SLCO4C1: variants seen among roughly 807,000 people sequenced by gnomAD.
SLCO4C1 encodes organic anion transporter M1.
In SLCO4C1, 58 loss-of-function variants were observed where a neutral mutation model predicts 72.1. That is an observed-to-expected ratio of 0.80 (90% confidence interval 0.65 to 1.00). The LOEUF is 1.00. Among genes scored for constraint, SLCO4C1 ranks in the 50% least tolerant of loss-of-function variants. SLCO4C1 has a pLI of 0.00. For synonymous variants in SLCO4C1, 297 were observed against 312.5 expected, an observed-to-expected ratio of 0.95 and a Z score of 0.52; for missense variants, 898 against 857.9, an observed-to-expected ratio of 1.05 and a Z score of -0.58.
intron 7 of SLCO4C1, among the ~76,000 whole-genome samples, chr5:102,257,706 C>T (rs1748863520): frequency 6.6e-6 from 1 of 151,416 alleles, no homozygotes. Flanking sequence ...GCAGTCTCCA[C>T]CTCCCAGGTT....
At chr5:102,283,287 A>G (rs895904947) in intron 2 of SLCO4C1, among the ~76,000 whole-genome samples, 4 of 151,960 alleles carry the variant, frequency 2.6e-5, no homozygotes, top group East Asian at 1.9e-4. Context: ...ATACTCTTCT[A>G]TGTGGTATTG....
intron 9 of SLCO4C1, 31 bp downstream of exon 9, chr5:102,249,607 C>T (rs1196222131): frequency 2.5e-6 from 4 of 1,611,906 alleles, no homozygotes; most frequent in African/African-American, 2.7e-5. Context: ...CATATTGCCT[C>T]ATTAAGGGAA....
At chr5:102,257,374 C>T (rs960974021) in intron 7 of SLCO4C1, 64 bp from the exon 8 acceptor site, 1 of 1,273,350 alleles carries the variant, frequency 7.9e-7, no homozygotes, top group Non-Finnish European at 1.1e-6. Context: ...ATACTGACAA[C>T]TGGAAAACAT....
chr5:102,251,894 C>T (rs1020265579), intron 8 of SLCO4C1, among the ~76,000 whole-genome samples: 12 of 151,774 alleles, frequency 7.9e-5, no homozygotes, highest in Non-Finnish European at 1.8e-4. Flanking sequence ...CTAGACTACT[C>T]AAGGTGGTAG....
rs745339720 is a variant in SLCO4C1 at position 102,296,055 on chromosome 5, CA to C, written c.207del (p.Asn69LysfsTer53). 1.9e-6 allele frequency: 3 copies of C among 1,614,226 alleles called. No individual in the cohort carries two copies. The highest frequency in any genetic ancestry group is 2.5e-6 in the Non-Finnish European group (3 of 1,180,042). ...PEPSLPSAPP[N>X]VSEEKLRSLS... ...AGTGACCGGAGCTTCTCTTCGGAGA[CA>C]TTGGGAGGGGCTGAAGGCAGAGATG... is the stretch of plus-strand genomic sequence containing the variant. On this transcript the variant is annotated frameshift_variant, in exon 1 of 13. Transcript: ENST00000310954. LOFTEE classifies it high-confidence loss of function.
At chr5:102,266,963 T>C (rs1429923907) in intron 3 of SLCO4C1, among the ~76,000 whole-genome samples, 2 of 152,216 alleles carry the variant, frequency 1.3e-5, no homozygotes, top group Non-Finnish European at 2.9e-5. Flanking sequence ...AATTCTTGCA[T>C]CACTGAGATC....
chr5:102,296,083 C>A lies in SLCO4C1; in HGVS notation c.180G>T (p.Glu60Asp). Residue 60 changes from glutamate to aspartate, a missense_variant, in exon 1 of 13, where the codon GAG becomes GAT. Physicochemically the swap from Glu to Asp is conservative, Grantham distance 45. Coordinates refer to ENST00000310954, the MANE Select transcript of SLCO4C1 (RefSeq NM_180991.5). ...QKPQEPQKSP[E>D]PSLPSAPPNV... ...TGGGAGGGGCTGAAGGCAGAGATGGCTCTGGTGACTTCTGGGGCTCCTGGG... is the reference window on the plus strand; with the variant it reads ...TGGGAGGGGCTGAAGGCAGAGATGGATCTGGTGACTTCTGGGGCTCCTGGG... The A allele has an allele frequency of 6.2e-7, 1 of 1,614,190 alleles. No homozygotes were observed. Among genetic ancestry groups the A allele is most frequent in the Non-Finnish European group, 8.5e-7 (1 of 1,180,010 alleles).
At chr5:102,243,662 T>C (rs1748587054) in intron 10 of SLCO4C1, among the ~76,000 whole-genome samples, 1 of 152,106 alleles carries the variant, frequency 6.6e-6, no homozygotes. Flanking sequence ...TAATAAATAC[T>C]TAACTCTTAA....
rs35918245 is a variant in SLCO4C1, at chr5:102,236,581, C to CGT, written c.*275_*276dup. 49,155 of 260,894 alleles carry CGT rather than the reference C, an allele frequency of 0.19. 4,116 individuals are homozygous for CGT. Among genetic ancestry groups the CGT allele is most frequent in the African/African-American group, 0.33 (13,752 of 41,310 alleles). The allele number at this position is 260,894 out of a possible 1,614,324, so 16.2% of individuals were successfully genotyped here. ...AATAGGAAATAAGTGTGTATGTGTG[C>CGT]GTGTGTGTGTGTGTGTGTGTGTTCG... On this transcript the variant is annotated 3_prime_UTR_variant, in exon 13 of 13. Coordinates refer to ENST00000310954, the MANE Select transcript of SLCO4C1 (RefSeq NM_180991.5).
At chr5:102,244,218 GGA>G (rs1748597822) in intron 10 of SLCO4C1, among the ~76,000 whole-genome samples, 1 of 152,078 alleles carries the variant, frequency 6.6e-6, no homozygotes, top group Admixed American at 6.6e-5. Flanking sequence ...TGGAAATTCT[GGA>G]GCTGAAAAAT....
intron 2 of SLCO4C1, among the ~76,000 whole-genome samples, chr5:102,283,796 T>C (rs1333944051): frequency 1.3e-5 from 2 of 151,736 alleles, no homozygotes; most frequent in Non-Finnish European, 1.5e-5. Context: ...ACAGTAAGAG[T>C]AGGTAATGGC....
At position 102,295,904 on chromosome 5, in the gene SLCO4C1, T is replaced by G. The variant is rs775208876; in HGVS notation, c.355+4A>C. 6.2e-7 allele frequency: 1 copy of G among 1,611,090 alleles called. No homozygotes were observed. The highest frequency in any genetic ancestry group is 1.1e-5 in the South Asian group (1 of 90,868). On this transcript the variant is annotated splice_donor_region_variant and intron_variant, in intron 1 of 12. Transcript: ENST00000310954. Reference sequence around the variant, plus strand: ...CCGAGCCTCAAGCGGGCGCTGGACTTTACCTTGCGTGACGGCCAAGAGGCA... The same window carrying G: ...CCGAGCCTCAAGCGGGCGCTGGACTGTACCTTGCGTGACGGCCAAGAGGCA...
At chr5:102,240,539 A>C (rs1030236) in intron 11 of SLCO4C1, among the ~76,000 whole-genome samples, 179 bp downstream of exon 11, 38,915 of 151,822 alleles carry the variant, frequency 0.26, 6,243 homozygotes, top group Non-Finnish European at 0.36. Flanking sequence ...AGGTAGGTTA[A>C]AAGTATGCAA....
At chr5:102,282,096 TACA>T (rs1248091818) in intron 2 of SLCO4C1, among the ~76,000 whole-genome samples, 1 of 152,006 alleles carries the variant, frequency 6.6e-6, no homozygotes, top group East Asian at 1.9e-4. Flanking sequence ...AATTGATATG[TACA>T]ACAACATGAT....
intron 6 of SLCO4C1, among the ~76,000 whole-genome samples, chr5:102,259,704 A>G (rs946262207): frequency 2.6e-5 from 4 of 152,164 alleles, no homozygotes; most frequent in Non-Finnish European, 4.4e-5. Flanking sequence ...AGTTACCACT[A>G]ACCACCTCTT....
chr5:102,270,713 AAT>A lies in SLCO4C1; in HGVS notation c.711_712del (p.Leu238AlafsTer17). 1.2e-6 allele frequency: 2 copies of A among 1,613,324 alleles called. No individual in the cohort carries two copies. Among genetic ancestry groups the A allele is most frequent in the South Asian group, 2.2e-5 (2 of 91,034 alleles). ...AAGAGGAGTTCCTCCTGCCCCCAGC[AAT>A]AGTTGTCCCAAGATGAAGACATACA... On this transcript the variant is annotated frameshift_variant, in exon 3 of 13. Coordinates refer to ENST00000310954, the MANE Select transcript of SLCO4C1 (RefSeq NM_180991.5). LOFTEE classifies it high-confidence loss of function.
chr5:102,295,999 G>T lies in SLCO4C1; in HGVS notation c.264C>A (p.Tyr88Ter). The stretch of plus-strand genomic sequence containing the variant: ...ATTGAGGATGGAAGTTCCTCCAGCC[G>T]TAAGACCCCTCCTCAAACTCGGACA... ...LSLSEFEEGS[Y>*]GWRNFHPQCL... The change falls in exon 1 of 13, where the codon TAC (tyrosine) becomes TAA (stop). Residue 88 changes from tyrosine to a stop codon, truncating the protein, a stop_gained. Coordinates refer to ENST00000310954, the MANE Select transcript of SLCO4C1 (RefSeq NM_180991.5). LOFTEE classifies it high-confidence loss of function. The T allele has an allele frequency of 6.2e-7, 1 of 1,614,202 alleles. No individual in the cohort carries two copies. Among genetic ancestry groups the T allele is most frequent in the Non-Finnish European group, 8.5e-7 (1 of 1,180,036 alleles).
chr5:102,256,022 A>G (rs1748828473), intron 8 of SLCO4C1, among the ~76,000 whole-genome samples: 2 of 152,158 alleles, frequency 1.3e-5, no homozygotes, highest in Admixed American at 6.6e-5. Flanking sequence ...CCTGGCCAAC[A>G]GGGCGAAACC....
intron 2 of SLCO4C1, among the ~76,000 whole-genome samples, chr5:102,278,862 T>C (rs934903378): frequency 2.6e-5 from 4 of 151,886 alleles, no homozygotes; most frequent in Admixed American, 6.6e-5. Context: ...AAGAAAATTT[T>C]ATAGCACTAA....
Sources: gnomAD v4.1 joint callset for allele counts (sites outside exome capture counted in the v4.1 genomes callset) on GRCh38, gnomAD v4.1.1 for gene constraint, MANE v1.5 for transcripts, NCBI Gene and HGNC (gene_info 2026-07-23, HGNC 2026-07-21) for gene names.